The following TAOK1 variants were observed in gnomAD, a reference collection of about 807,000 sequenced individuals.
TAOK1 encodes the protein serine/threonine-protein kinase TAO1.
In TAOK1, 21 loss-of-function variants were observed where a neutral mutation model predicts 138.3. The ratio of observed to expected loss-of-function variants is 0.15; its 90% CI spans 0.11 to 0.22. The LOEUF (loss-of-function observed/expected upper bound fraction) is 0.22. Among genes scored for constraint, TAOK1 ranks in the 10% least tolerant of loss-of-function variants. TAOK1 has a pLI of 1.00. For missense variants in TAOK1, 651 were observed against 1,227.7 expected, an observed-to-expected ratio of 0.53 and a Z score of 7.02; for synonymous variants, 361 against 398.4, an observed-to-expected ratio of 0.91 and a Z score of 1.12.
chr17:29,423,204 T>A (rs184278880), intron 1 of TAOK1, among the ~76,000 whole-genome samples: 107 of 146,612 alleles, frequency 7.3e-4, no homozygotes, highest in Middle Eastern at 3.5e-3. Context: ...TATATTTTGG[T>A]ACTAAATCTT....
intron 8 of TAOK1, among the ~76,000 whole-genome samples, chr17:29,483,314 G>A (rs2031101192): frequency 6.6e-6 from 1 of 152,116 alleles, no homozygotes; most frequent in Non-Finnish European, 1.5e-5. Flanking sequence ...CTGGGCTCAA[G>A]CTATCCTCCT....
At chr17:29,495,822 G>A in intron 11 of TAOK1, 95 bp downstream of exon 11, 1 of 1,101,646 alleles carries the variant, frequency 9.1e-7, no homozygotes. Flanking sequence ...TATATACCAA[G>A]GGTTTCCAGG....
intron 1 of TAOK1, among the ~76,000 whole-genome samples, chr17:29,399,251 G>A (rs1904762589): frequency 6.6e-6 from 1 of 152,174 alleles, no homozygotes; most frequent in African/African-American, 2.4e-5. Flanking sequence ...CTCCCAAAGT[G>A]CTGGGGAGAG....
intron 12 of TAOK1, among the ~76,000 whole-genome samples, chr17:29,501,415 C>T (rs2031527056): frequency 7.5e-6 from 1 of 132,640 alleles, no homozygotes; most frequent in Non-Finnish European, 1.7e-5. Context: ...AAAATGGAGA[C>T]CCTGTCTCAA....
intron 1 of TAOK1, among the ~76,000 whole-genome samples, chr17:29,422,163 C>G (rs1251096651): frequency 6.6e-6 from 1 of 151,854 alleles, no homozygotes; most frequent in Middle Eastern, 3.2e-3. Flanking sequence ...TCCCAAAGTG[C>G]TGGGATTACA....
chr17:29,446,283 A>G (rs1393722025), intron 1 of TAOK1, among the ~76,000 whole-genome samples: 1 of 151,270 alleles, frequency 6.6e-6, no homozygotes, highest in African/African-American at 2.4e-5. Flanking sequence ...TTTCTATTCT[A>G]TTTAGTATTT....
At chr17:29,539,622 G>C (rs1229409985) in intron 19 of TAOK1, among the ~76,000 whole-genome samples, 3 of 152,194 alleles carry the variant, frequency 2.0e-5, no homozygotes, top group Admixed American at 1.3e-4. Flanking sequence ...TTTTACTAGA[G>C]ATGGGATTTC....
chr17:29,457,089 C>CTTTTTTTTTTTT (rs548221652), intron 2 of TAOK1, among the ~76,000 whole-genome samples: 7 of 107,410 alleles, frequency 6.5e-5, no homozygotes, highest in Non-Finnish European at 1.1e-4. Flanking sequence ...TTTTCTTTTT[C>CTTTTTTTTTTTT]TTTTTTTTTT....
intron 3 of TAOK1, among the ~76,000 whole-genome samples, chr17:29,472,643 G>A (rs1000772066): frequency 1.3e-5 from 2 of 148,578 alleles, no homozygotes; most frequent in African/African-American, 2.5e-5. Flanking sequence ...GCACTATCTC[G>A]GCTCACCGCA....
intron 1 of TAOK1, among the ~76,000 whole-genome samples, chr17:29,436,812 G>A (rs761531770): frequency 2.0e-5 from 3 of 152,086 alleles, no homozygotes; most frequent in Admixed American, 6.6e-5. Flanking sequence ...GCAATTCCGT[G>A]TACCTAAACG....
intron 4 of TAOK1, among the ~76,000 whole-genome samples, chr17:29,476,366 C>T (rs917928419): frequency 2.0e-5 from 3 of 151,968 alleles, no homozygotes; most frequent in African/African-American, 7.3e-5. Flanking sequence ...GCATTTTTAT[C>T]CAGTTTGTTT....
At chr17:29,423,768 TG>T (rs56325665) in intron 1 of TAOK1, among the ~76,000 whole-genome samples, 152,128 of 152,128 alleles carry the variant, frequency 1, 76,064 homozygotes, top group Non-Finnish European at 1. Context: ...TGTTTCAGGC[TG>T]GGGCGTGGTG....
rs1567741886 is a variant in TAOK1, at chr17:29,517,650, C to T, written c.1902C>T (p.Val634=). The stretch of plus-strand genomic sequence containing the variant: ...GTCATAACTTAGAGCAGGACCTTGT[C>T]AGGGAGGTAAGTTTGAGTGATGAGA... ...LGRHNLEQDL[V]REELNKRQTQ... The change falls in exon 16 of 20, where the codon GTC becomes GTT. Residue 634 remains valine (V), a synonymous_variant. Coordinates refer to ENST00000261716, the MANE Select transcript of TAOK1 (RefSeq NM_020791.4). 6.2e-7 allele frequency: 1 copy of T among 1,602,056 alleles called. No homozygotes were observed. Among genetic ancestry groups the T allele is most frequent in the South Asian group, 1.1e-5 (1 of 89,194 alleles).
chr17:29,531,955 G>T (rs1298784486), intron 18 of TAOK1, among the ~76,000 whole-genome samples: 1 of 151,500 alleles, frequency 6.6e-6, no homozygotes, highest in Non-Finnish European at 1.5e-5. Flanking sequence ...CCGCCTCCCG[G>T]GTTCACGCCA....
At chr17:29,455,025 C>T (rs1398353126) in intron 2 of TAOK1, among the ~76,000 whole-genome samples, 2 of 152,130 alleles carry the variant, frequency 1.3e-5, no homozygotes, top group Non-Finnish European at 2.9e-5. Flanking sequence ...ATTCTCCTGC[C>T]TCAGTCTCCT....
At chr17:29,522,630 T>G in intron 17 of TAOK1, 111 bp downstream of exon 17, 1 of 1,453,342 alleles carries the variant, frequency 6.9e-7, no homozygotes, top group Non-Finnish European at 9.2e-7. Context: ...ACTAAGCTTC[T>G]TTTCATTTTT....
At position 29,550,883 on chromosome 17, in the gene TAOK1, C is replaced by T. The variant is rs924637970; in HGVS notation, c.*7861C>T. The T allele has an allele frequency of 6.6e-6, 1 of 152,382 alleles. No individual in the cohort carries two copies. Among genetic ancestry groups the T allele is most frequent in the Non-Finnish European group, 1.5e-5 (1 of 68,014 alleles). 9.4% of individuals were successfully genotyped at this position (152,382 alleles called of 1,614,324 possible). ...CTTCCCTCTTCCTTTCTACTAACTC[C>T]TTCCTTAAAGGCCATATCACTCCAT... On this transcript the variant is annotated 3_prime_UTR_variant, in exon 20 of 20. Transcript: ENST00000261716.
chr17:29,503,179 G>A (rs181519426), intron 13 of TAOK1, among the ~76,000 whole-genome samples: 8 of 151,854 alleles, frequency 5.3e-5, no homozygotes, highest in African/African-American at 1.9e-4. Context: ...GGCGGATCAC[G>A]AGGTCAGGAG....
At chr17:29,411,691 C>T (rs551880500) in intron 1 of TAOK1, among the ~76,000 whole-genome samples, 1 of 152,274 alleles carries the variant, frequency 6.6e-6, no homozygotes, top group South Asian at 2.1e-4. Flanking sequence ...CTGTGCCTGG[C>T]CTACAGAAGT....
Sources: allele counts gnomAD v4.1 joint callset (sites outside exome capture counted in the v4.1 genomes callset), GRCh38; gene constraint gnomAD v4.1.1; transcripts MANE v1.5; gene names NCBI Gene and HGNC (gene_info 2026-07-23, HGNC 2026-07-21).